The following RUFY1 variants were observed in gnomAD, a reference collection of about 807,000 sequenced individuals.
RUFY1 encodes RUN and FYVE domain-containing protein 1.
Under a neutral mutation model 94.6 loss-of-function variants are expected in RUFY1, and 54 were observed. The ratio of observed to expected loss-of-function variants is 0.57; its 90% CI spans 0.46 to 0.72. The LOEUF is 0.72. Among genes scored for constraint, RUFY1 ranks in the 30% least tolerant of loss-of-function variants. RUFY1 has a pLI of 0.00. For synonymous variants in RUFY1, 396 were observed against 347.3 expected (o/e 1.14, Z -1.56); for missense variants, 883 against 883.9 (o/e 1.00, Z 0.01).
chr5:179,603,425 C>T (rs539751183), intron 15 of RUFY1, among the ~76,000 whole-genome samples: 14 of 152,122 alleles, frequency 9.2e-5, no homozygotes, highest in African/African-American at 3.1e-4. Flanking sequence ...TCCCACCCTC[C>T]GCCCTGCCTG....
At chr5:179,583,675 C>G (rs1436146077) in intron 7 of RUFY1, among the ~76,000 whole-genome samples, 1 of 150,962 alleles carries the variant, frequency 6.6e-6, no homozygotes, top group Non-Finnish European at 1.5e-5. Context: ...CTCGGCCTCC[C>G]AAAGTGCTGG....
chr5:179,569,376 A>G lies in RUFY1; in HGVS notation c.779A>G (p.Asn260Ser), dbSNP rs191142171. The G allele has an allele frequency of 7.3e-5, 118 of 1,613,622 alleles. 1 individual carries two copies. Among genetic ancestry groups the G allele is most frequent in the East Asian group, 6.5e-4 (29 of 44,774 alleles). The change falls in exon 5 of 18, where the codon AAT (asparagine) becomes AGT (serine). Residue 260 changes from asparagine (N) to serine (S), a missense_variant. Transcript: ENST00000319449. ...ATTGTTGGTCTGCTGGTGGGACTCA[A>G]TGTTCTCGATGCCAATCTCTGCTTG... ...MVIVGLLVGLNVLDANLCLKG... is the reference protein window; with the variant it reads ...MVIVGLLVGLSVLDANLCLKG...
At position 179,593,649 on chromosome 5, in the gene RUFY1, G is replaced by A. The variant is rs988677783; in HGVS notation, c.1413+4G>A. 3 of 1,612,836 alleles carry A rather than the reference G, an allele frequency of 1.9e-6. No individual in the cohort carries two copies. In the East Asian group the frequency reaches 6.7e-5, roughly 36 times the overall value. On this transcript the variant is annotated splice_donor_region_variant and intron_variant, in intron 11 of 17. Coordinates refer to ENST00000319449, the MANE Select transcript of RUFY1 (RefSeq NM_025158.5). ...ACAGATGTTTCACAAAGCTCAGGTG[G>A]GAGTTGGCTTTGTGTCCATGGCACA...
At chr5:179,565,377 A>C (rs7379689) in intron 3 of RUFY1, among the ~76,000 whole-genome samples, 117,449 of 151,572 alleles carry the variant, frequency 0.77, 45,622 homozygotes, top group East Asian at 0.9. Flanking sequence ...TGGGAGTTTA[A>C]CGTGTTGGCC....
At chr5:179,589,520 G>C in intron 8 of RUFY1, 26 bp from the exon 9 acceptor site, 1 of 1,447,486 alleles carries the variant, frequency 6.9e-7, no homozygotes, top group Non-Finnish European at 9.7e-7. Flanking sequence ...TTGATGTTAA[G>C]AACTGTAAAA....
At chr5:179,555,453 G>C (rs1762063275) in intron 1 of RUFY1, among the ~76,000 whole-genome samples, 1 of 152,030 alleles carries the variant, frequency 6.6e-6, no homozygotes, top group Admixed American at 6.6e-5. Context: ...AATTTTCCAT[G>C]CCTCTAACTT....
intron 5 of RUFY1, chr5:179,572,891 C>G (rs1481760759): frequency 6.6e-6 from 1 of 152,298 alleles, no homozygotes; most frequent in Non-Finnish European, 1.5e-5. Context: ...TTTTTACACA[C>G]TTTATGTGTA....
At chr5:179,569,215 C>T in intron 4 of RUFY1, 87 bp from the exon 5 acceptor site, 1 of 1,601,670 alleles carries the variant, frequency 6.2e-7, no homozygotes, top group East Asian at 2.2e-5. Flanking sequence ...CTCCAGGGCA[C>T]AGGTGAAAAG....
intron 14 of RUFY1, 51 bp downstream of exon 14, chr5:179,598,872 C>G: frequency 6.2e-7 from 1 of 1,606,876 alleles, no homozygotes; most frequent in Non-Finnish European, 8.5e-7. Flanking sequence ...CTCCAGAAAC[C>G]CCTAACATGC....
Position 179,596,640 on chromosome 5 carries a change from C to T in RUFY1, c.1590C>T (p.Ile530=), listed in dbSNP as rs759114952. The T allele has an allele frequency of 1.2e-5, 19 of 1,610,112 alleles. No homozygotes were observed. Among genetic ancestry groups the T allele is most frequent in the East Asian group, 2.2e-5 (1 of 44,866 alleles). Residue 530 remains isoleucine (I), a synonymous_variant, in exon 13 of 18, where the codon ATC becomes ATT. Transcript: ENST00000319449. ...TGCAGCAGGAGCTGGGCGGGAGGAT[C>T]GGCGCCCTGCAGCTGCAGCTCTCCC... ...HKLQQELGGR[I]GALQLQLSQL...
intron 15 of RUFY1, chr5:179,602,328 G>C (rs548780397): frequency 8.8e-5 from 21 of 238,530 alleles, no homozygotes; most frequent in African/African-American, 4.2e-4. Flanking sequence ...GCCAGAGGGA[G>C]CAGGGCTGGT....
intron 1 of RUFY1, among the ~76,000 whole-genome samples, chr5:179,558,382 G>C (rs776492376): frequency 1.3e-5 from 2 of 152,104 alleles, no homozygotes; most frequent in African/African-American, 4.8e-5. Context: ...AGACCAGCCT[G>C]ACCAAAATGG....
intron 2 of RUFY1, among the ~76,000 whole-genome samples, chr5:179,562,187 G>T (rs1762510542): frequency 1.3e-5 from 2 of 151,912 alleles, no homozygotes; most frequent in Admixed American, 1.3e-4. Context: ...GCCGAGGCGG[G>T]CAGATCACAA....
chr5:179,565,334 A>G (rs1762763777), intron 3 of RUFY1, among the ~76,000 whole-genome samples: 1 of 151,512 alleles, frequency 6.6e-6, no homozygotes, highest in Non-Finnish European at 1.5e-5. Context: ...ATGAGCCACC[A>G]CACCCAGCTA....
chr5:179,605,060 A>G (rs892953528), intron 15 of RUFY1, among the ~76,000 whole-genome samples: 2 of 151,594 alleles, frequency 1.3e-5, no homozygotes, highest in African/African-American at 4.8e-5. Flanking sequence ...AGGTGGGTCA[A>G]TTGAGGTCAG....
intron 6 of RUFY1, among the ~76,000 whole-genome samples, chr5:179,578,290 T>G (rs1276706641): frequency 6.6e-6 from 1 of 152,170 alleles, no homozygotes; most frequent in Non-Finnish European, 1.5e-5. Flanking sequence ...CTCGGCTCAC[T>G]GCAACCTCCG....
intron 3 of RUFY1, among the ~76,000 whole-genome samples, chr5:179,564,908 T>G (rs1417314882): frequency 6.6e-6 from 1 of 152,142 alleles, no homozygotes; most frequent in African/African-American, 2.4e-5. Context: ...GTCCTCTGTG[T>G]ACTGATATGG....
At chr5:179,569,270 G>C (rs2127524271) in intron 4 of RUFY1, 32 bp from the exon 5 acceptor site, 1 of 1,613,506 alleles carries the variant, frequency 6.2e-7, no homozygotes. Flanking sequence ...AGCTGTTTCT[G>C]AGCATCGCCC....
chr5:179,555,499 G>A (rs1258737058), intron 1 of RUFY1, among the ~76,000 whole-genome samples: 1 of 152,030 alleles, frequency 6.6e-6, no homozygotes, highest in Non-Finnish European at 1.5e-5. Flanking sequence ...CATAGTAGGG[G>A]ATGCATGAGA....
Sources: gnomAD v4.1 joint callset for allele counts (sites outside exome capture counted in the v4.1 genomes callset) on GRCh38, gnomAD v4.1.1 for gene constraint, MANE v1.5 for transcripts, NCBI Gene and HGNC (gene_info 2026-07-23, HGNC 2026-07-21) for gene names.